The following LRRTM4 variants were observed in gnomAD, a reference collection of about 807,000 sequenced individuals.
LRRTM4 encodes the protein leucine rich repeat transmembrane neuronal 4, also known as leucine-rich repeat transmembrane neuronal protein 4.
LRRTM4 carries 25 observed loss-of-function variants against 47.6 expected under a neutral mutation model. The observed-to-expected ratio is 0.53, with a 90% CI of 0.38 to 0.73. The LOEUF is 0.73. LRRTM4 is among the 30% of genes least tolerant of loss of function. LRRTM4 has a pLI of 0.00. For missense variants in LRRTM4, 638 were observed against 713.4 expected, an observed-to-expected ratio of 0.89 and a Z score of 1.20; for synonymous variants, 311 against 269.5, an observed-to-expected ratio of 1.15 and a Z score of -1.51.
chr2:77,024,174 C>A (rs368228671), intron 3 of LRRTM4, among the ~76,000 whole-genome samples: 1 of 152,212 alleles, frequency 6.6e-6, no homozygotes, highest in Non-Finnish European at 1.5e-5. Flanking sequence ...AATTATCCCA[C>A]TGGTCCCTCC....
intron 3 of LRRTM4, among the ~76,000 whole-genome samples, chr2:77,172,600 T>C (rs1030958): frequency 0.6 from 89,865 of 150,082 alleles, 26,635 homozygotes; most frequent in Admixed American, 0.64. Context: ...CTCAAAAACA[T>C]AAAAAAAAAA....
At chr2:77,150,330 TTCTC>T (rs1308400673) in intron 3 of LRRTM4, among the ~76,000 whole-genome samples, 35 of 152,296 alleles carry the variant, frequency 2.3e-4, no homozygotes, top group African/African-American at 7.7e-4. Flanking sequence ...GTTTTATCCT[TTCTC>T]TCTTTTCTCT....
chr2:77,133,122 G>A (rs568159100), intron 3 of LRRTM4, among the ~76,000 whole-genome samples: 54 of 152,274 alleles, frequency 3.5e-4, no homozygotes, highest in African/African-American at 1.0e-3. Flanking sequence ...CATAGCCAAT[G>A]GTCATAAGAA....
chr2:77,322,648 A>G (rs1322483904), intron 3 of LRRTM4, among the ~76,000 whole-genome samples: 2 of 151,816 alleles, frequency 1.3e-5, no homozygotes, highest in Admixed American at 6.6e-5. Context: ...GTTCTAGGGT[A>G]AAAATAAGCT....
At chr2:77,317,725 T>C (rs1677657402) in intron 3 of LRRTM4, among the ~76,000 whole-genome samples, 1 of 152,128 alleles carries the variant, frequency 6.6e-6, no homozygotes, top group Admixed American at 6.6e-5. Context: ...GGCTGGAAGT[T>C]AGTCTGCTTG....
intron 3 of LRRTM4, among the ~76,000 whole-genome samples, chr2:77,284,096 T>G (rs1676586015): frequency 6.6e-6 from 1 of 152,128 alleles, no homozygotes; most frequent in Non-Finnish European, 1.5e-5. Flanking sequence ...TTAGACGTAT[T>G]TTGAAATTGT....
At chr2:76,941,948 A>G (rs1000153054) in intron 3 of LRRTM4, among the ~76,000 whole-genome samples, 2 of 152,010 alleles carry the variant, frequency 1.3e-5, no homozygotes, top group Non-Finnish European at 2.9e-5. Context: ...AATCATTACT[A>G]TTTTTCCACA....
intron 3 of LRRTM4, among the ~76,000 whole-genome samples, chr2:77,164,579 C>G (rs1318079513): frequency 6.6e-6 from 1 of 152,154 alleles, no homozygotes; most frequent in East Asian, 1.9e-4. Flanking sequence ...CACTCCTCAG[C>G]AAATGAAAAA....
At chr2:77,065,063 TTAATAA>T (rs1268670795) in intron 3 of LRRTM4, among the ~76,000 whole-genome samples, 1 of 152,168 alleles carries the variant, frequency 6.6e-6, no homozygotes, top group African/African-American at 2.4e-5. Flanking sequence ...GGAATAATAA[TTAATAA>T]TAATGTTTTA....
chr2:77,502,618 G>A (rs183250043), intron 3 of LRRTM4, among the ~76,000 whole-genome samples: 22 of 151,620 alleles, frequency 1.5e-4, no homozygotes, highest in Admixed American at 3.3e-4. Context: ...TACAAGACAT[G>A]GAGTGAGGCA....
intron 3 of LRRTM4, among the ~76,000 whole-genome samples, chr2:76,918,175 A>T (rs1405716397): frequency 3.3e-5 from 5 of 152,246 alleles, no homozygotes; most frequent in African/African-American, 1.2e-4. Context: ...ACACTAATAC[A>T]TGAGAAATAT....
chr2:76,873,504 G>GTGTGTATATATATATATATATATA (rs1672691206), intron 3 of LRRTM4, among the ~76,000 whole-genome samples: 1 of 73,196 alleles, frequency 1.4e-5, no homozygotes, highest in African/African-American at 4.2e-5. Flanking sequence ...ATATATATGT[G>GTGTGTATATATATATATATATATA]TGTATATATA....
At chr2:76,894,825 A>G (rs959104363) in intron 3 of LRRTM4, among the ~76,000 whole-genome samples, 6 of 151,810 alleles carry the variant, frequency 4.0e-5, no homozygotes, top group African/African-American at 1.5e-4. Flanking sequence ...ATTACAGCAT[A>G]TAATACGTCT....
intron 3 of LRRTM4, among the ~76,000 whole-genome samples, chr2:76,857,275 T>G (rs1573218787): frequency 6.7e-6 from 1 of 149,028 alleles, no homozygotes; most frequent in Admixed American, 6.7e-5. Flanking sequence ...TTTCCTTTTC[T>G]CTAGATACCT....
intron 3 of LRRTM4, among the ~76,000 whole-genome samples, chr2:77,451,514 C>A (rs570661965): frequency 6.6e-6 from 1 of 152,232 alleles, no homozygotes; most frequent in Admixed American, 6.5e-5. Context: ...GTGGAAAACA[C>A]TTCTGTGTGC....
intron 3 of LRRTM4, among the ~76,000 whole-genome samples, chr2:76,834,726 G>A (rs1671458199): frequency 6.6e-6 from 1 of 151,922 alleles, no homozygotes; most frequent in Non-Finnish European, 1.5e-5. Flanking sequence ...TACTTTTCTT[G>A]AAGAAATGAT....
chr2:77,111,154 G>T (rs139745520), intron 3 of LRRTM4, among the ~76,000 whole-genome samples: 3,142 of 152,136 alleles, frequency 0.021, 106 homozygotes, highest in African/African-American at 0.071. Flanking sequence ...CTGTTGCCCA[G>T]GCTAGAGTGC....
intron 3 of LRRTM4, among the ~76,000 whole-genome samples, chr2:77,449,158 C>T (rs1193467998): frequency 6.6e-6 from 1 of 152,142 alleles, no homozygotes; most frequent in Non-Finnish European, 1.5e-5. Context: ...CTTAAGGAAT[C>T]TGATTAGTTT....
At chr2:76,873,506 G>GTATA (rs58469429) in intron 3 of LRRTM4, among the ~76,000 whole-genome samples, 6,098 of 112,084 alleles carry the variant, frequency 0.054, 178 homozygotes, top group Middle Eastern at 0.082. Flanking sequence ...ATATATGTGT[G>GTATA]TATATATATA....
Sources: allele counts gnomAD v4.1 joint callset (sites outside exome capture counted in the v4.1 genomes callset), GRCh38; gene constraint gnomAD v4.1.1; transcripts MANE v1.5; gene names NCBI Gene and HGNC (gene_info 2026-07-23, HGNC 2026-07-21).